SIDT1: variants seen among roughly 807,000 people sequenced by gnomAD.
SIDT1 encodes SID1 transmembrane family, member 1.
SIDT1 carries 101 observed loss-of-function variants against 107.5 expected under a neutral mutation model. The ratio of observed to expected loss-of-function variants is 0.94; its 90% CI spans 0.80 to 1.11. The LOEUF (loss-of-function observed/expected upper bound fraction) is 1.11, where lower values mean the gene tolerates loss of function less well. Among genes scored for constraint, SIDT1 ranks in the 50% least tolerant of loss-of-function variants. The pLI, the probability that SIDT1 is intolerant of heterozygous loss-of-function variation, is 0.00. For synonymous variants in SIDT1, 395 were observed against 398.2 expected, an observed-to-expected ratio of 0.99 and a Z score of 0.10; for missense variants, 1,076 against 1,058.2, an observed-to-expected ratio of 1.02 and a Z score of -0.23.
At chr3:113,537,179 A>G (rs1425929717) in intron 1 of SIDT1, among the ~76,000 whole-genome samples, 1 of 152,218 alleles carries the variant, frequency 6.6e-6, no homozygotes, top group African/African-American at 2.4e-5. Flanking sequence ...TAGATTTTTT[A>G]ATTTGAAATA....
chr3:113,566,215 TTAC>T lies in SIDT1; in HGVS notation c.223-204_223-202del, dbSNP rs367626136. On this transcript the variant is annotated intron_variant, in intron 1 of 24. Transcript: ENST00000264852. ...CAATCAAGGTTGAGACCCACTCTGG[TTAC>T]AATATGAATGAGGAGAAACAACTGG... Among the ~76,000 whole-genome samples the T allele has an allele frequency of 4.4e-4, 67 of 152,320 alleles. 1 individual carries two copies. The South Asian group carries it at 0.013, about 30-fold the overall frequency.
Position 113,627,981 on chromosome 3 carries a change from T to C in SIDT1, c.*273T>C. 2.2e-6 allele frequency: 1 copy of C among 456,592 alleles called. No homozygotes were observed. The highest frequency in any genetic ancestry group is 4.0e-6 in the Non-Finnish European group (1 of 251,160). The allele number at this position is 456,592 out of a possible 1,614,324, so 28.3% of individuals were successfully genotyped here. On this transcript the variant is annotated 3_prime_UTR_variant, in exon 25 of 25. Coordinates refer to ENST00000264852, the MANE Select transcript of SIDT1 (RefSeq NM_017699.3). ...TGCAGCTTTGGGAGTGCAACAGGGA[T>C]AGGCACTGCATCCAAGTCAACTCAC...
At chr3:113,600,615 G>A (rs6801644) in intron 10 of SIDT1, among the ~76,000 whole-genome samples, 39,875 of 152,082 alleles carry the variant, frequency 0.26, 5,617 homozygotes, top group Admixed American at 0.32. Flanking sequence ...CAGCAGCAAA[G>A]CTCTATGCTG....
intron 10 of SIDT1, chr3:113,601,290 A>G: frequency 8.2e-6 from 2 of 242,698 alleles, no homozygotes; most frequent in Non-Finnish European, 1.6e-5. Context: ...GAACTTATAC[A>G]TAAATACTGA....
intron 1 of SIDT1, among the ~76,000 whole-genome samples, chr3:113,542,589 C>T (rs900263618): frequency 6.6e-6 from 1 of 152,064 alleles, no homozygotes; most frequent in African/African-American, 2.4e-5. Flanking sequence ...CTTACAGTGA[C>T]TTTGTATGGA....
At chr3:113,552,086 C>T (rs529665346) in intron 1 of SIDT1, among the ~76,000 whole-genome samples, 2 of 152,256 alleles carry the variant, frequency 1.3e-5, no homozygotes, top group South Asian at 4.1e-4. Context: ...CAACGTGACT[C>T]ACACCTATCT....
chr3:113,577,241 A>G lies in SIDT1; in HGVS notation c.561+274A>G, dbSNP rs188289558. Among the ~76,000 whole-genome samples the G allele has an allele frequency of 1.5e-3, 224 of 152,336 alleles. 2 individuals carry two copies. Among genetic ancestry groups the G allele is most frequent in the Middle Eastern group, 3.4e-3 (1 of 294 alleles). On this transcript the variant is annotated intron_variant, in intron 4 of 24. Coordinates refer to ENST00000264852, the MANE Select transcript of SIDT1 (RefSeq NM_017699.3). ...TCCTCACTGAGAAAATCGTGTGCCCACTATGCACCAAGAACATTGTTAGAC... is the reference window on the plus strand; with the variant it reads ...TCCTCACTGAGAAAATCGTGTGCCCGCTATGCACCAAGAACATTGTTAGAC...
At chr3:113,617,455 A>G (rs1457161731) in intron 20 of SIDT1, among the ~76,000 whole-genome samples, 1 of 152,208 alleles carries the variant, frequency 6.6e-6, no homozygotes, top group East Asian at 1.9e-4. Context: ...TGCAGTCAGA[A>G]CTAGTGATGC....
In SIDT1 at chr3:113,601,599, A is replaced by G. The variant is rs1944964219; in HGVS notation, c.1057A>G (p.Met353Val). 6.2e-7 allele frequency: 1 copy of G among 1,613,850 alleles called. No homozygotes were observed. The highest frequency in any genetic ancestry group is 1.3e-5 in the African/African-American group (1 of 75,054). The change falls in exon 11 of 25, where the codon ATG becomes GTG. Residue 353 changes from methionine to valine, a missense_variant. Physicochemically the swap from Met to Val is conservative, Grantham distance 21. Coordinates refer to ENST00000264852, the MANE Select transcript of SIDT1 (RefSeq NM_017699.3). Reference sequence around the variant, plus strand: ...ACTTTTTTTAACAGGCTCTGGAAATATGGTGGCATCTCATCCCATTGCTGC... The same window carrying G: ...ACTTTTTTTAACAGGCTCTGGAAATGTGGTGGCATCTCATCCCATTGCTGC... ...SFGSNDGSGN[M>V]VASHPIAAST...
At chr3:113,581,576 A>G in intron 6 of SIDT1, 132 bp downstream of exon 6, 1 of 743,762 alleles carries the variant, frequency 1.3e-6, no homozygotes, top group East Asian at 2.7e-5. Context: ...GATTGGTTTA[A>G]AAACTAATAT....
chr3:113,602,906 A>G (rs999269844), intron 11 of SIDT1, 99 bp from the exon 12 acceptor site: 61 of 1,280,136 alleles, frequency 4.8e-5, no homozygotes, highest in Non-Finnish European at 6.5e-5. Flanking sequence ...TCAACACAGC[A>G]TTTCCTAGAA....
At chr3:113,569,919 T>G (rs1942285416) in intron 3 of SIDT1, among the ~76,000 whole-genome samples, 1 of 152,168 alleles carries the variant, frequency 6.6e-6, no homozygotes, top group Non-Finnish European at 1.5e-5. Flanking sequence ...TTAATATATA[T>G]TTTTTGAGAC....
intron 24 of SIDT1, among the ~76,000 whole-genome samples, chr3:113,626,883 A>T (rs1018396277): frequency 6.6e-6 from 1 of 152,186 alleles, no homozygotes; most frequent in Non-Finnish European, 1.5e-5. Flanking sequence ...CCCGGGCTCC[A>T]GACCTACTAG....
chr3:113,600,795 T>A (rs1944904445), intron 10 of SIDT1, among the ~76,000 whole-genome samples: 1 of 152,226 alleles, frequency 6.6e-6, no homozygotes, highest in South Asian at 2.1e-4. Flanking sequence ...ATGGTATTGA[T>A]GACATGTTAC....
At chr3:113,549,443 T>C (rs962902009) in intron 1 of SIDT1, among the ~76,000 whole-genome samples, 8 of 152,220 alleles carry the variant, frequency 5.3e-5, no homozygotes, top group South Asian at 2.1e-4. Context: ...TTTTGTCTTT[T>C]AGCCATTCTA....
chr3:113,634,657 A>T, the SIDT1 span, among the ~76,000 whole-genome samples: 1 of 151,914 alleles, frequency 6.6e-6, no homozygotes, highest in East Asian at 1.9e-4. Flanking sequence ...AAATAAAAAT[A>T]GCCAGGTGTG....
intron 3 of SIDT1, among the ~76,000 whole-genome samples, chr3:113,573,296 A>G (rs1442473269): frequency 1.3e-5 from 2 of 152,200 alleles, no homozygotes; most frequent in African/African-American, 4.8e-5. Flanking sequence ...GGGGATCACT[A>G]TTCTGTGACT....
At chr3:113,590,542 A>T (rs962159966) in intron 9 of SIDT1, among the ~76,000 whole-genome samples, 2 of 152,192 alleles carry the variant, frequency 1.3e-5, no homozygotes, top group African/African-American at 4.8e-5. Flanking sequence ...TAGGATATTC[A>T]CTGTTGCATA....
rs765520373 is a variant in SIDT1 at position 113,603,143 on chromosome 3, G to A, written c.1256G>A (p.Arg419Gln). ...ATTGAGAGTGATAAAAACATCATCC[G>A]GACCAAGGTACCCACTCTGCCTCGC... ...PDIESDKNII[R>Q]TKMFLYLSDL... is the part of the protein sequence containing the mutation. The change falls in exon 12 of 25, where the codon CGG (arginine) becomes CAG (glutamine). Residue 419 changes from arginine to glutamine, a missense_variant. Transcript: ENST00000264852. 2 of 1,613,216 alleles carry A rather than the reference G, an allele frequency of 1.2e-6. No homozygotes were observed. Among genetic ancestry groups the A allele is most frequent in the Admixed American group, 1.7e-5 (1 of 59,920 alleles).
Sources: gnomAD v4.1 joint callset for allele counts (sites outside exome capture counted in the v4.1 genomes callset) on GRCh38, gnomAD v4.1.1 for gene constraint, MANE v1.5 for transcripts, NCBI Gene and HGNC (gene_info 2026-07-23, HGNC 2026-07-21) for gene names.